The following TMEM248 variants were observed in gnomAD, a reference collection of about 807,000 sequenced individuals.
TMEM248 encodes the protein UPF0458 protein C7orf42.
In TMEM248, 9 loss-of-function variants were observed where a neutral mutation model predicts 30.3. The observed-to-expected ratio is 0.30, with a 90% CI of 0.18 to 0.52. The LOEUF (loss-of-function observed/expected upper bound fraction) is 0.52. Among genes scored for constraint, TMEM248 ranks in the 20% least tolerant of loss-of-function variants. The probability of loss-of-function intolerance (pLI) is 0.97; values close to 1 mark genes in which losing one functional copy is unlikely to be tolerated. For synonymous variants in TMEM248, 184 were observed against 154.4 expected, an observed-to-expected ratio of 1.19 and a Z score of -1.42; for missense variants, 338 against 403.3, an observed-to-expected ratio of 0.84 and a Z score of 1.39.
At chr7:66,934,388 A>G (rs1791748040) in intron 1 of TMEM248, among the ~76,000 whole-genome samples, 1 of 152,134 alleles carries the variant, frequency 6.6e-6, no homozygotes, top group Non-Finnish European at 1.5e-5. Context: ...TTTAGTAGAA[A>G]TGGGGTTTCA....
At position 66,956,725 on chromosome 7, in the gene TMEM248, T is replaced by C. The variant is rs1377080395; in HGVS notation, c.*1203T>C. 6.6e-6 allele frequency: 1 copy of C among 152,088 alleles called. No homozygotes were observed. The highest frequency in any genetic ancestry group is 1.5e-5 in the Non-Finnish European group (1 of 68,016). The allele number at this position is 152,088 out of a possible 1,614,324, so 9.4% of individuals were successfully genotyped here. On this transcript the variant is annotated 3_prime_UTR_variant, in exon 7 of 7. Coordinates refer to ENST00000341567, the MANE Select transcript of TMEM248 (RefSeq NM_017994.5). ...AGGGGGGAGGCAGGGTCTTGCTCTGTCCCTCAGGCTGGAGCTTAGCTCAGT... is the reference window on the plus strand; with the variant it reads ...AGGGGGGAGGCAGGGTCTTGCTCTGCCCCTCAGGCTGGAGCTTAGCTCAGT...
At chr7:66,942,698 G>A (rs1430650152) in intron 2 of TMEM248, among the ~76,000 whole-genome samples, 5 of 152,016 alleles carry the variant, frequency 3.3e-5, no homozygotes, top group African/African-American at 9.7e-5. Context: ...GTTTCGCCAC[G>A]TTGGCCAGGC....
Position 66,956,605 on chromosome 7 carries a change from G to A in TMEM248, c.*1083G>A, listed in dbSNP as rs1562947371. On this transcript the variant is annotated 3_prime_UTR_variant, in exon 7 of 7. Transcript: ENST00000341567. The stretch of plus-strand genomic sequence containing the variant: ...CAGTAAAATTACGAAAACGATGCCT[G>A]CAAAATTTGAAGGAATGCAATTCTG... 6.6e-6 allele frequency: 1 copy of A among 152,188 alleles called. No homozygotes were observed. Among genetic ancestry groups the A allele is most frequent in the African/African-American group, 2.4e-5 (1 of 41,450 alleles). 9.4% of individuals were successfully genotyped at this position (152,188 alleles called of 1,614,324 possible). A position where few individuals can be genotyped will look rare whatever the true frequency, so the allele number is the denominator to read the frequency against.
At chr7:66,944,886 G>A in intron 2 of TMEM248, 90 bp from the exon 3 acceptor site, 1 of 1,375,626 alleles carries the variant, frequency 7.3e-7, no homozygotes, top group Non-Finnish European at 1.0e-6. Flanking sequence ...CTGATGTGCT[G>A]CGGTGCCACA....
intron 5 of TMEM248, among the ~76,000 whole-genome samples, chr7:66,951,586 A>C (rs973976402): frequency 1.3e-5 from 2 of 151,610 alleles, no homozygotes. Flanking sequence ...CCTGAATAGG[A>C]TTTAACTTAA....
At chr7:66,947,719 T>G (rs1792148353) in intron 3 of TMEM248, among the ~76,000 whole-genome samples, 1 of 151,754 alleles carries the variant, frequency 6.6e-6, no homozygotes. Context: ...AATTTTAATT[T>G]TATTTTAATA....
At chr7:66,944,103 C>CTTTTT (rs397891070) in intron 2 of TMEM248, among the ~76,000 whole-genome samples, 2 of 112,366 alleles carry the variant, frequency 1.8e-5, no homozygotes, top group Admixed American at 9.8e-5. Flanking sequence ...CCTCAGATGG[C>CTTTTT]TTTTTTTTTT....
chr7:66,953,402 T>C (rs1377900350), intron 6 of TMEM248, 33 bp downstream of exon 6: 9 of 1,609,034 alleles, frequency 5.6e-6, no homozygotes. Flanking sequence ...GCCAGCATTT[T>C]ACTAGAGGTC....
intron 1 of TMEM248, among the ~76,000 whole-genome samples, chr7:66,929,426 ATTTTTT>A (rs35126436): frequency 0.042 from 4,097 of 97,558 alleles, 209 homozygotes; most frequent in African/African-American, 0.14. Context: ...TGAGAGACAA[ATTTTTT>A]TTTTTTTTTT....
At chr7:66,948,025 T>TC (rs1212590806) in intron 3 of TMEM248, among the ~76,000 whole-genome samples, 4 of 152,314 alleles carry the variant, frequency 2.6e-5, no homozygotes, top group Admixed American at 2.6e-4. Context: ...GTCAAAGTGC[T>TC]GGGACTACAG....
intron 5 of TMEM248, among the ~76,000 whole-genome samples, 150 bp from the exon 6 acceptor site, chr7:66,953,073 TAGG>T (rs1348437055): frequency 2.6e-5 from 4 of 152,258 alleles, no homozygotes; most frequent in Admixed American, 1.3e-4. Flanking sequence ...TTTGGTCATT[TAGG>T]AGGCAAAAGG....
Position 66,945,056 on chromosome 7 carries a change from C to G in TMEM248, c.240C>G (p.Asn80Lys), listed in dbSNP as rs148867090. The G allele has an allele frequency of 6.2e-7, 1 of 1,614,108 alleles. No homozygotes were observed. The highest frequency in any genetic ancestry group is 1.3e-5 in the African/African-American group (1 of 74,932). ...ATGAAACCCTCAAGCATCTCACAAA[C>G]GACACCACAACTCCGGAAAGTACAA... ...SENETLKHLT[N>K]DTTTPESTMT... is the part of the protein sequence containing the mutation. Residue 80 changes from asparagine (N) to lysine (K), a missense_variant, in exon 3 of 7, where the codon AAC becomes AAG. Asn to Lys is a moderately conservative substitution (Grantham distance 94). Transcript: ENST00000341567.
Position 66,958,068 on chromosome 7 carries a change from T to C in TMEM248, c.*2546T>C, listed in dbSNP as rs988406568. On this transcript the variant is annotated 3_prime_UTR_variant, in exon 7 of 7. Coordinates refer to ENST00000341567, the MANE Select transcript of TMEM248 (RefSeq NM_017994.5). ...TCTGGGCACTTCCCAGGCTCAATGC[T>C]CAGCCAGAGTTTGCTGGTGGACCTC... The C allele has an allele frequency of 2.6e-5, 4 of 152,764 alleles. No homozygotes were observed. In the East Asian group the frequency reaches 7.7e-4, roughly 30 times the overall value. 9.5% of individuals were successfully genotyped at this position (152,764 alleles called of 1,614,324 possible).
intron 5 of TMEM248, 96 bp downstream of exon 5, chr7:66,951,231 C>G: frequency 8.2e-7 from 1 of 1,214,064 alleles, no homozygotes; most frequent in South Asian, 2.1e-5. Context: ...TGCTGACTTC[C>G]CTGGGTAAGC....
intron 1 of TMEM248, among the ~76,000 whole-genome samples, chr7:66,931,619 C>T (rs1458263171): frequency 7.2e-5 from 11 of 151,780 alleles, no homozygotes; most frequent in Non-Finnish European, 1.3e-4. Flanking sequence ...CATTGGTGTA[C>T]ACCACCATGC....
At chr7:66,955,296 A>G (rs538823604) in intron 6 of TMEM248, among the ~76,000 whole-genome samples, 67 of 152,336 alleles carry the variant, frequency 4.4e-4, no homozygotes, top group African/African-American at 1.5e-3. Flanking sequence ...CTGTCTCCGC[A>G]CAGTGGTTCC....
In TMEM248 at chr7:66,951,132, A is replaced by G; in HGVS notation, c.777A>G (p.Pro259=). 2.5e-6 allele frequency: 4 copies of G among 1,576,088 alleles called. No individual in the cohort carries two copies. Among genetic ancestry groups the G allele is most frequent in the Middle Eastern group, 1.7e-4 (1 of 5,872 alleles). Residue 259 remains proline, a synonymous_variant, in exon 5 of 7, where the codon CCA becomes CCG. Coordinates refer to ENST00000341567, the MANE Select transcript of TMEM248 (RefSeq NM_017994.5). The part of the protein sequence containing the change: ...ALNPKLTVIV[P]DDDRSLINLH... The stretch of plus-strand genomic sequence containing the variant: ...ATCCCAAGCTTACAGTGATTGTTCC[A>G]GATGTAAGTGAGAAAAATTGTGTGT...
chr7:66,946,261 C>CA (rs1260606765), intron 3 of TMEM248, among the ~76,000 whole-genome samples: 1 of 150,946 alleles, frequency 6.6e-6, no homozygotes, highest in Non-Finnish European at 1.5e-5. Flanking sequence ...GACTCCATCT[C>CA]AAAAAAAGAA....
At chr7:66,921,670 C>A (rs1468755969) in intron 1 of TMEM248, among the ~76,000 whole-genome samples, 1 of 152,210 alleles carries the variant, frequency 6.6e-6, no homozygotes, top group Non-Finnish European at 1.5e-5. Context: ...TTTGCCCACT[C>A]GCGTCCCCCG....
Sources: gnomAD v4.1 joint callset for allele counts (sites outside exome capture counted in the v4.1 genomes callset) on GRCh38, gnomAD v4.1.1 for gene constraint, MANE v1.5 for transcripts, NCBI Gene and HGNC (gene_info 2026-07-23, HGNC 2026-07-21) for gene names.